Variants in DYNC1I1 observed in about 807,000 individuals in gnomAD.
DYNC1I1 encodes dynein cytoplasmic 1 intermediate chain 1.
Under a neutral mutation model 86.6 loss-of-function variants are expected in DYNC1I1, and 43 were observed. The ratio of observed to expected loss-of-function variants is 0.50; its 90% CI spans 0.39 to 0.64. The LOEUF is 0.64. Ranked by LOEUF, DYNC1I1 falls within the 30% of genes least tolerant of loss-of-function variation. The pLI is 0.00. For missense variants in DYNC1I1, 604 were observed against 788.8 expected (o/e 0.77, Z 2.81); for synonymous variants, 262 against 283.7 (o/e 0.92, Z 0.77).
chr7:95,988,601 T>A (rs1793654838), intron 9 of DYNC1I1, among the ~76,000 whole-genome samples: 2 of 152,200 alleles, frequency 1.3e-5, no homozygotes, highest in Admixed American at 6.5e-5. Context: ...CCTAAGCATC[T>A]GATGCCTGAG....
At chr7:95,870,682 T>C in intron 6 of DYNC1I1, among the ~76,000 whole-genome samples, 1 of 152,210 alleles carries the variant, frequency 6.6e-6, no homozygotes, top group South Asian at 2.1e-4. Flanking sequence ...ATACCTTCTT[T>C]GTGTATGCCA....
rs1790326207 is a variant in DYNC1I1, at chr7:96,076,058, A to C, written c.1511A>C (p.His504Pro). ...DWTVKLWTTK[H>P]NKPLYSFEDN... ...CTTCACGGTCTCTCTGCTTTACAGC[A>C]CAACAAGCCGCTCTACTCCTTTGAA... The change falls in exon 15 of 17, where the codon CAC (histidine) becomes CCC (proline). Residue 504 changes from histidine (H) to proline (P), a missense_variant and splice_region_variant. His to Pro is a moderately conservative substitution (Grantham distance 77, BLOSUM62 -2). Coordinates refer to ENST00000447467, the MANE Select transcript of DYNC1I1 (RefSeq NM_001135556.2). 6.2e-7 allele frequency: 1 copy of C among 1,613,472 alleles called. No individual in the cohort carries two copies. The highest frequency in any genetic ancestry group is 8.5e-7 in the Non-Finnish European group (1 of 1,179,560).
At chr7:96,051,099 T>C (rs1325979482) in intron 14 of DYNC1I1, among the ~76,000 whole-genome samples, 34 of 152,206 alleles carry the variant, frequency 2.2e-4, no homozygotes, top group Non-Finnish European at 1.5e-5. Flanking sequence ...TAATTTTTTT[T>C]CCTGTGCTGC....
At chr7:96,057,429 G>A (rs994914005) in intron 14 of DYNC1I1, among the ~76,000 whole-genome samples, 1 of 151,994 alleles carries the variant, frequency 6.6e-6, no homozygotes, top group African/African-American at 2.4e-5. Context: ...ATTGTAATTG[G>A]GTCAGTTAGA....
chr7:95,839,265 G>A (rs759311464), intron 5 of DYNC1I1, among the ~76,000 whole-genome samples: 35 of 151,996 alleles, frequency 2.3e-4, no homozygotes, highest in African/African-American at 7.7e-4. Flanking sequence ...TCCTGACCTC[G>A]GGTGATCCAC....
At chr7:95,928,040 G>T (rs1791791783) in intron 6 of DYNC1I1, among the ~76,000 whole-genome samples, 1 of 152,200 alleles carries the variant, frequency 6.6e-6, no homozygotes, top group Non-Finnish European at 1.5e-5. Flanking sequence ...CACTTGGCCT[G>T]GTTTCAGCAG....
At chr7:96,084,102 C>G (rs866260456) in intron 16 of DYNC1I1, among the ~76,000 whole-genome samples, 1 of 151,916 alleles carries the variant, frequency 6.6e-6, no homozygotes, top group African/African-American at 2.4e-5. Context: ...TTTGCCAAGA[C>G]CTTGTTCCAC....
At position 95,896,861 on chromosome 7, in the gene DYNC1I1, T is replaced by C. The variant is rs1790895549; in HGVS notation, c.490+26863T>C. 3.3e-5 allele frequency among the ~76,000 whole-genome samples: 5 copies of C among 152,256 alleles called. No homozygotes were observed. The South Asian group carries it at 1.0e-3, about 31-fold the overall frequency. On this transcript the variant is annotated intron_variant, in intron 6 of 16. Coordinates refer to ENST00000447467, the MANE Select transcript of DYNC1I1 (RefSeq NM_001135556.2). ...GAAAGCTAAACAGTAAAATTTATTC[T>C]GTATCCAACTGAAGGGCATGTTTTT...
chr7:95,995,980 C>T lies in DYNC1I1; in HGVS notation c.876C>T (p.Asn292=), dbSNP rs1793857474. 6.2e-7 allele frequency: 1 copy of T among 1,610,034 alleles called. No homozygotes were observed. The highest frequency in any genetic ancestry group is 1.3e-5 in the African/African-American group (1 of 74,650). ...YPELMVASYN[N]NEDAPHEPDG... The stretch of plus-strand genomic sequence containing the variant: ...AGCTGATGGTGGCTTCTTACAACAA[C>T]AATGAAGATGCTCCCCATGAACCAG... The change falls in exon 10 of 17, where the codon AAC becomes AAT. Residue 292 remains asparagine, a synonymous_variant. Transcript: ENST00000447467.
chr7:95,997,282 C>A (rs1458695909), intron 10 of DYNC1I1, among the ~76,000 whole-genome samples: 1 of 151,654 alleles, frequency 6.6e-6, no homozygotes, highest in Non-Finnish European at 1.5e-5. Context: ...AGCACAAAAT[C>A]CTAATTTTGT....
chr7:95,775,945 T>C (rs1562887436), intron 1 of DYNC1I1, among the ~76,000 whole-genome samples: 1 of 152,204 alleles, frequency 6.6e-6, no homozygotes, highest in Admixed American at 6.5e-5. Context: ...ACGAGGTCCA[T>C]GTAAAAGTTA....
chr7:96,099,555 T>C (rs899996800), downstream of DYNC1I1, among the ~76,000 whole-genome samples: 24 of 152,172 alleles, frequency 1.6e-4, no homozygotes, highest in African/African-American at 5.5e-4. Context: ...AAGGTCAAGA[T>C]GCTGGCAGAT....
At chr7:95,853,997 G>C (rs776094915) in intron 5 of DYNC1I1, among the ~76,000 whole-genome samples, 1 of 152,032 alleles carries the variant, frequency 6.6e-6, no homozygotes, top group Non-Finnish European at 1.5e-5. Context: ...ATATTTGCAT[G>C]GAATATATAT....
At chr7:95,972,904 T>A (rs1362465602) in intron 6 of DYNC1I1, among the ~76,000 whole-genome samples, 1 of 152,204 alleles carries the variant, frequency 6.6e-6, no homozygotes, top group African/African-American at 2.4e-5. Context: ...GAGGAATGAA[T>A]GTGGCAACTG....
chr7:95,998,594 G>A (rs1430125923), intron 10 of DYNC1I1, among the ~76,000 whole-genome samples: 1 of 152,214 alleles, frequency 6.6e-6, no homozygotes, highest in Admixed American at 6.5e-5. Context: ...TCGTTTGAAT[G>A]TGCTTCCGCA....
chr7:95,927,204 A>G (rs1361873190), intron 6 of DYNC1I1, among the ~76,000 whole-genome samples: 1 of 152,200 alleles, frequency 6.6e-6, no homozygotes, highest in Non-Finnish European at 1.5e-5. Context: ...ATACAAGTTA[A>G]TGAACTCTGC....
chr7:95,963,055 A>G (rs1385101333), intron 6 of DYNC1I1, among the ~76,000 whole-genome samples: 1 of 152,116 alleles, frequency 6.6e-6, no homozygotes, highest in African/African-American at 2.4e-5. Context: ...CACTGTTTAC[A>G]TCTTTGCACT....
Position 96,076,086 on chromosome 7 carries a change from C to T in DYNC1I1, c.1539C>T (p.Asp513=). ...KHNKPLYSFE[D]NADYVYDVMW... The stretch of plus-strand genomic sequence containing the variant: ...ACAAGCCGCTCTACTCCTTTGAAGA[C>T]AATGCAGACTATGTGTACGATGTCA... Residue 513 remains aspartate (D), a synonymous_variant, in exon 15 of 17, where the codon GAC becomes GAT. Transcript: ENST00000447467. 6.2e-7 allele frequency: 1 copy of T among 1,614,204 alleles called. No homozygotes were observed. The highest frequency in any genetic ancestry group is 2.2e-5 in the East Asian group (1 of 44,866).
At chr7:96,063,894 A>G (rs75699018) in intron 14 of DYNC1I1, among the ~76,000 whole-genome samples, 8,775 of 152,186 alleles carry the variant, frequency 0.058, 391 homozygotes, top group African/African-American at 0.13. Context: ...CCTAATCCTT[A>G]TATTGAAGGG....
Sources: allele counts gnomAD v4.1 joint callset (sites outside exome capture counted in the v4.1 genomes callset), GRCh38; gene constraint gnomAD v4.1.1; transcripts MANE v1.5; gene names NCBI Gene and HGNC (gene_info 2026-07-23, HGNC 2026-07-21).